REPS2: variants seen among roughly 807,000 people sequenced by gnomAD.
REPS2 encodes the protein ralBP1-associated Eps domain-containing protein 2.
In REPS2, 23 loss-of-function variants were observed where a neutral mutation model predicts 53.6. The ratio of observed to expected loss-of-function variants is 0.43; its 90% CI spans 0.31 to 0.61. The LOEUF is 0.61. REPS2 is among the 20% of genes least tolerant of loss of function. The pLI, the probability that REPS2 is intolerant of heterozygous loss-of-function variation, is 0.11. For synonymous variants in REPS2, 238 were observed against 218.6 expected, an observed-to-expected ratio of 1.09 and a Z score of -0.78; for missense variants, 446 against 534.9, an observed-to-expected ratio of 0.83 and a Z score of 1.64.
chrX:17,173,696 A>G, the REPS2 span, among the ~76,000 whole-genome samples: 7 of 112,014 alleles, frequency 6.2e-5, no homozygotes, highest in Non-Finnish European at 1.9e-5. Context: ...ACACTATTTA[A>G]TGAATCCCTT....
the REPS2 span, among the ~76,000 whole-genome samples, chrX:17,181,779 G>A: frequency 8.9e-6 from 1 of 111,939 alleles, no homozygotes; most frequent in African/African-American, 3.3e-5. Context: ...AACTGATAAA[G>A]GTAAGGCCAT....
intron 14 of REPS2, among the ~76,000 whole-genome samples, chrX:17,132,099 G>A (rs759218046): frequency 4.5e-5 from 5 of 111,863 alleles, no homozygotes; most frequent in Non-Finnish European, 9.4e-5. Context: ...ACCCTGAAGA[G>A]GGAAAGTTCA....
At position 17,032,694 on chromosome X, in the gene REPS2, A is replaced by G. The variant is rs765494909; in HGVS notation, c.771+3071A>G. Among the ~76,000 whole-genome samples, 5 of 111,848 alleles carry G rather than the reference A, an allele frequency of 4.5e-5. No homozygotes were observed. The East Asian group carries it at 1.4e-3, about 31-fold the overall frequency. Reference sequence around the variant, plus strand: ...AACTAGTTCTCTGGCCTTGTATTCAAGTTCTTCCTGCCTGATTACAAGGGG... The same window carrying G: ...AACTAGTTCTCTGGCCTTGTATTCAGGTTCTTCCTGCCTGATTACAAGGGG... On this transcript the variant is annotated intron_variant, in intron 5 of 17. Transcript: ENST00000357277.
chrX:17,177,660 A>G, the REPS2 span, among the ~76,000 whole-genome samples: 1 of 111,546 alleles, frequency 9.0e-6, no homozygotes, highest in Non-Finnish European at 1.9e-5. Flanking sequence ...AAAAATCCCT[A>G]TCTCAGGCTC....
At chrX:17,052,734 A>C (rs1278590002) in intron 7 of REPS2, among the ~76,000 whole-genome samples, 1 of 112,550 alleles carries the variant, frequency 8.9e-6, no homozygotes, top group Non-Finnish European at 1.9e-5. Flanking sequence ...AGTTGTGGGC[A>C]CATGAGACTT....
chrX:17,043,464 T>C (rs1403924232), intron 5 of REPS2, among the ~76,000 whole-genome samples: 1 of 105,779 alleles, frequency 9.5e-6, no homozygotes, highest in Non-Finnish European at 1.9e-5. Context: ...TTAAGTTTGC[T>C]CCACTGTCCA....
At chrX:17,177,170 G>A in the REPS2 span, among the ~76,000 whole-genome samples, 27 of 112,132 alleles carry the variant, frequency 2.4e-4, no homozygotes, top group Non-Finnish European at 1.5e-4. Context: ...GATCAAGGAC[G>A]CTTATACCTT....
chrX:16,946,872 C>T lies in REPS2; in HGVS notation c.11C>T (p.Ala4Val), dbSNP rs1164465523. 1 of 761,994 alleles carries T rather than the reference C, an allele frequency of 1.3e-6. No individual in the cohort carries two copies. Among genetic ancestry groups the T allele is most frequent in the Non-Finnish European group, 1.5e-6 (1 of 648,050 alleles). 62.8% of individuals were successfully genotyped at this position (761,994 alleles called of 1,213,427 possible). The part of the protein sequence containing the change: MEA[A>V]AAAAAAAAAA... ...CCCCTTGCTGGCCCCATGGAGGCGGCAGCGGCGGCGGCGGCGGCGGCAGCG... is the reference window on the plus strand; with the variant it reads ...CCCCTTGCTGGCCCCATGGAGGCGGTAGCGGCGGCGGCGGCGGCGGCAGCG... Residue 4 changes from alanine to valine, a missense_variant, in exon 1 of 18, where the codon GCA becomes GTA. Ala to Val is a moderately conservative substitution (Grantham distance 64). Coordinates refer to ENST00000357277, the MANE Select transcript of REPS2 (RefSeq NM_004726.3).
At chrX:17,133,543 T>C (rs947413635) in intron 14 of REPS2, among the ~76,000 whole-genome samples, 2 of 112,306 alleles carry the variant, frequency 1.8e-5, no homozygotes, top group South Asian at 3.7e-4. Context: ...GAGTTTGTTG[T>C]TGCGAAGCAT....
At chrX:17,159,609 TCC>T in the REPS2 span, among the ~76,000 whole-genome samples, 5 of 111,777 alleles carry the variant, frequency 4.5e-5, no homozygotes, top group Non-Finnish European at 9.4e-5. Context: ...TGTGCCTCAC[TCC>T]ATCATCTATA....
At chrX:17,193,071 G>T in the REPS2 span, among the ~76,000 whole-genome samples, 2 of 112,487 alleles carry the variant, frequency 1.8e-5, no homozygotes, top group Non-Finnish European at 3.8e-5. Flanking sequence ...AACATTTTGT[G>T]CATGTCCCTT....
At chrX:17,081,128 G>C (rs1000319089) in intron 13 of REPS2, among the ~76,000 whole-genome samples, 2 of 112,277 alleles carry the variant, frequency 1.8e-5, no homozygotes, top group Non-Finnish European at 3.8e-5. Flanking sequence ...ATGTGGACTT[G>C]AGTTGAAAGG....
intron 14 of REPS2, among the ~76,000 whole-genome samples, chrX:17,118,169 C>T (rs375205022): frequency 5.4e-4 from 58 of 106,530 alleles, no homozygotes; most frequent in Admixed American, 3.3e-3. Context: ...CCATTTTAGC[C>T]GGGATGGTCT....
chrX:17,171,410 A>T, the REPS2 span, among the ~76,000 whole-genome samples: 2 of 112,359 alleles, frequency 1.8e-5, no homozygotes, highest in Admixed American at 1.9e-4. Flanking sequence ...AATTTTATTA[A>T]ACCTCTTTCT....
intron 1 of REPS2, among the ~76,000 whole-genome samples, chrX:16,953,096 AACAAACACACACACACACAC>A (rs1247611780): frequency 5.6e-5 from 5 of 89,798 alleles, no homozygotes; most frequent in Admixed American, 1.2e-4. Context: ...CAAACCAAAA[AACAAACACACACACACACAC>A]ACACACACAC....
chrX:16,997,305 T>C (rs1465877300), intron 1 of REPS2, among the ~76,000 whole-genome samples: 1 of 112,931 alleles, frequency 8.9e-6, no homozygotes, highest in Non-Finnish European at 1.9e-5. Context: ...TTTAAGTTAG[T>C]GCCTGGCACA....
intron 5 of REPS2, chrX:17,044,391 C>T (rs2061875525): frequency 1.8e-5 from 2 of 111,058 alleles, no homozygotes; most frequent in Admixed American, 1.9e-4. Flanking sequence ...ACTGTATTTT[C>T]GCAAAATGTT....
chrX:17,039,870 A>G (rs775344479), intron 5 of REPS2, among the ~76,000 whole-genome samples: 4 of 112,584 alleles, frequency 3.6e-5, no homozygotes, highest in Non-Finnish European at 7.5e-5. Flanking sequence ...AGGTACTTAC[A>G]GTGCCTGGCA....
intron 1 of REPS2, among the ~76,000 whole-genome samples, chrX:16,950,903 G>A (rs761572766): frequency 4.5e-5 from 5 of 112,100 alleles, no homozygotes; most frequent in Non-Finnish European, 9.4e-5. Context: ...TAAAATAGCC[G>A]GGCATGGTGG....
Sources: gnomAD v4.1 joint callset for allele counts (sites outside exome capture counted in the v4.1 genomes callset) on GRCh38, gnomAD v4.1.1 for gene constraint, MANE v1.5 for transcripts, NCBI Gene and HGNC (gene_info 2026-07-23, HGNC 2026-07-21) for gene names.